Variants in PTPRU observed in about 807,000 individuals in gnomAD.
The protein encoded by PTPRU is protein tyrosine phosphatase receptor type U, also known as receptor-type tyrosine-protein phosphatase U.
PTPRU carries 69 observed loss-of-function variants against 166.3 expected under a neutral mutation model. The observed-to-expected ratio is 0.41, with a 90% CI of 0.34 to 0.51. PTPRU has a LOEUF of 0.51. Ranked by LOEUF, PTPRU falls within the 20% of genes least tolerant of loss-of-function variation. The pLI, the probability that PTPRU is intolerant of heterozygous loss-of-function variation, is 0.09. For synonymous variants in PTPRU, 793 were observed against 814.0 expected (o/e 0.97, Z 0.44); for missense variants, 1,657 against 2,013.7 (o/e 0.82, Z 3.39).
chr1:29,258,003 C>A (rs375315061), intron 2 of PTPRU, among the ~76,000 whole-genome samples: 2 of 152,004 alleles, frequency 1.3e-5, no homozygotes, highest in African/African-American at 4.8e-5. Context: ...CTTGCTCTGT[C>A]ACCCAGGCTG....
intron 14 of PTPRU, chr1:29,289,547 T>C (rs1024780167): frequency 4.0e-6 from 4 of 991,688 alleles, no homozygotes; most frequent in African/African-American, 3.2e-5. Flanking sequence ...TCCTGACCTG[T>C]TCAGTCCCTG....
chr1:29,287,490 G>A (rs1480692970), intron 14 of PTPRU, among the ~76,000 whole-genome samples: 1 of 152,152 alleles, frequency 6.6e-6, no homozygotes, highest in Non-Finnish European at 1.5e-5. Context: ...CCACTCTGAG[G>A]TGTAGGGAGG....
At chr1:29,262,924 T>TAAATGG (rs1366443316) in intron 7 of PTPRU, among the ~76,000 whole-genome samples, 7 of 152,226 alleles carry the variant, frequency 4.6e-5, no homozygotes, top group South Asian at 2.1e-4. Flanking sequence ...ACATTTCACA[T>TAAATGG]AAATGGAATC....
chr1:29,312,441 T>C (rs568779401), intron 21 of PTPRU, 111 bp from the exon 22 acceptor site: 1 of 1,003,302 alleles, frequency 1.0e-6, no homozygotes, highest in South Asian at 2.5e-5. Flanking sequence ...TCATTGGGAT[T>C]AGTTGAGATT....
chr1:29,251,483 G>A (rs371504147), intron 1 of PTPRU, among the ~76,000 whole-genome samples: 4 of 152,214 alleles, frequency 2.6e-5, no homozygotes, highest in African/African-American at 9.6e-5. Context: ...ACTTTCAACA[G>A]GGACAGTCAG....
chr1:29,295,831 C>T (rs974618021), intron 15 of PTPRU, among the ~76,000 whole-genome samples: 2 of 151,958 alleles, frequency 1.3e-5, no homozygotes, highest in Admixed American at 6.6e-5. Flanking sequence ...GGACTACAGA[C>T]GTGCGCCACC....
intron 7 of PTPRU, among the ~76,000 whole-genome samples, chr1:29,265,268 T>G (rs1685249974): frequency 6.6e-6 from 1 of 152,234 alleles, no homozygotes; most frequent in Non-Finnish European, 1.5e-5. Flanking sequence ...TTGTCACTAT[T>G]TTTTATTTTG....
At chr1:29,259,186 G>A in intron 3 of PTPRU, 75 bp from the exon 4 acceptor site, 1 of 1,462,432 alleles carries the variant, frequency 6.8e-7, no homozygotes, top group Non-Finnish European at 9.4e-7. Context: ...GGCTGAGGCC[G>A]AGCTGAAAGT....
chr1:29,275,317 G>A, intron 7 of PTPRU, 131 bp from the exon 8 acceptor site: 1 of 968,380 alleles, frequency 1.0e-6, no homozygotes, highest in South Asian at 1.7e-5. Flanking sequence ...ATGTTCTAGG[G>A]GTCCCCTGAG....
chr1:29,267,346 C>G (rs1685349389), intron 7 of PTPRU, among the ~76,000 whole-genome samples: 1 of 152,180 alleles, frequency 6.6e-6, no homozygotes. Flanking sequence ...GTCCTAGAAC[C>G]AATCCCTGGC....
chr1:29,254,624 C>T (rs979997531), intron 1 of PTPRU, among the ~76,000 whole-genome samples: 5 of 152,176 alleles, frequency 3.3e-5, no homozygotes, highest in African/African-American at 9.7e-5. Flanking sequence ...GTGGCCTGAA[C>T]GAGGCTCTGT....
chr1:29,308,217 C>T (rs1261628489), intron 18 of PTPRU, among the ~76,000 whole-genome samples: 1 of 151,718 alleles, frequency 6.6e-6, no homozygotes, highest in Admixed American at 6.6e-5. Context: ...ACAAGCAATC[C>T]TTCTACCTCA....
intron 7 of PTPRU, among the ~76,000 whole-genome samples, chr1:29,261,211 C>T (rs1685051977): frequency 1.3e-5 from 2 of 152,210 alleles, no homozygotes. Flanking sequence ...TGTTAAGTGA[C>T]TGGCCCAAGA....
In PTPRU at chr1:29,260,942, G is replaced by A. The variant is rs1265917745; in HGVS notation, c.1144+39G>A. The A allele has an allele frequency of 2.0e-6, 3 of 1,484,360 alleles. No individual in the cohort carries two copies. Among genetic ancestry groups the A allele is most frequent in the South Asian group, 2.7e-5 (2 of 73,574 alleles). The allele number at this position is 1,484,360 out of a possible 1,614,324, so 91.9% of individuals were successfully genotyped here. A position where few individuals can be genotyped will look rare whatever the true frequency, so the allele number is the denominator to read the frequency against. ...CTACCCCTGGCCTCAGTCTCTGGTGGGCCCAGGGCTATGGAGGGGCGCATT... is the reference window on the plus strand; with the variant it reads ...CTACCCCTGGCCTCAGTCTCTGGTGAGCCCAGGGCTATGGAGGGGCGCATT... On this transcript the variant is annotated intron_variant, in intron 7 of 29. Transcript: ENST00000373779. This position sits in a 1 kb window ranked among gnomAD's most constrained non-coding sequence, Gnocchi z 8.3.
chr1:29,260,602 C>A lies in PTPRU; in HGVS notation c.851-8C>A. 1 of 1,490,002 alleles carries A rather than the reference C, an allele frequency of 6.7e-7. No individual in the cohort carries two copies. Among genetic ancestry groups the A allele is most frequent in the South Asian group, 1.4e-5 (1 of 73,038 alleles). The allele number at this position is 1,490,002 out of a possible 1,614,324, so 92.3% of individuals were successfully genotyped here. Reference sequence around the variant, plus strand: ...GGTCCGCCTCGCCTCTCCCCCATCTCCTCGCAGAGCCCCCAACTCCCATCG... The same window carrying A: ...GGTCCGCCTCGCCTCTCCCCCATCTACTCGCAGAGCCCCCAACTCCCATCG... On this transcript the variant is annotated splice_region_variant and splice_polypyrimidine_tract_variant and intron_variant, in intron 6 of 29. Coordinates refer to ENST00000373779, the MANE Select transcript of PTPRU (RefSeq NM_133178.4). The surrounding 1 kb of genome is among the most constrained non-coding windows in gnomAD (Gnocchi z 8.3).
At chr1:29,276,083 G>C (rs551475821) in intron 8 of PTPRU, among the ~76,000 whole-genome samples, 2 of 152,182 alleles carry the variant, frequency 1.3e-5, no homozygotes, top group African/African-American at 4.8e-5. Context: ...TATCAGTTTA[G>C]ATGGACTGTA....
At chr1:29,309,673 C>A (rs775169251) in intron 18 of PTPRU, among the ~76,000 whole-genome samples, 8 of 152,180 alleles carry the variant, frequency 5.3e-5, no homozygotes, top group Non-Finnish European at 8.8e-5. Flanking sequence ...GTAATTATTC[C>A]ATTTTATAGA....
rs1423397329 is a variant in PTPRU at position 29,311,544 on chromosome 1, G to A, written c.2946G>A (p.Glu982=). ...SSIVMITKLV[E]VGRVKCSRYW... is the part of the protein sequence containing the mutation. The stretch of plus-strand genomic sequence containing the variant: ...TCGTCATGATCACCAAGCTGGTCGA[G>A]GTGGGCAGGGTAAGCCGGGCTGTGG... Residue 982 remains glutamate (E), a synonymous_variant, in exon 20 of 30, where the codon GAG becomes GAA. Transcript: ENST00000373779. This position sits in a 1 kb window ranked among gnomAD's most constrained non-coding sequence, Gnocchi z 4.1. The A allele has an allele frequency of 4.3e-6, 7 of 1,614,114 alleles. No individual in the cohort carries two copies. The highest frequency in any genetic ancestry group is 1.7e-5 in the Admixed American group (1 of 60,014).
chr1:29,255,746 T>G (rs1483100924), intron 2 of PTPRU, among the ~76,000 whole-genome samples: 1 of 152,190 alleles, frequency 6.6e-6, no homozygotes, highest in Non-Finnish European at 1.5e-5. Context: ...AGAGATTCTT[T>G]TCTCCCAAAG....
Sources: gnomAD v4.1 joint callset for allele counts (sites outside exome capture counted in the v4.1 genomes callset) on GRCh38, gnomAD v4.1.1 for gene constraint, Gnocchi (gnomAD v3.1) non-coding constraint, MANE v1.5 for transcripts, NCBI Gene and HGNC (gene_info 2026-07-23, HGNC 2026-07-21) for gene names.